FRMD4B: variants seen among roughly 807,000 people sequenced by gnomAD.
FRMD4B encodes FERM domain-containing protein 4B.
Under a neutral mutation model 141.5 loss-of-function variants are expected in FRMD4B, and 74 were observed. The observed-to-expected ratio is 0.52, with a 90% CI of 0.43 to 0.63. The LOEUF (loss-of-function observed/expected upper bound fraction) is 0.63, where lower values mean the gene tolerates loss of function less well. Ranked by LOEUF, FRMD4B falls within the 30% of genes least tolerant of loss-of-function variation. The probability of loss-of-function intolerance (pLI) is 0.00; values close to 1 mark genes in which losing one functional copy is unlikely to be tolerated. For synonymous variants in FRMD4B, 506 were observed against 467.9 expected (o/e 1.08, Z -1.05); for missense variants, 1,366 against 1,253.4 (o/e 1.09, Z -1.36).
chr3:69,422,277 C>T (rs1704993974), intron 2 of FRMD4B, among the ~76,000 whole-genome samples: 1 of 151,886 alleles, frequency 6.6e-6, no homozygotes, highest in Non-Finnish European at 1.5e-5. Flanking sequence ...CCTGTAGTCC[C>T]AGCTACTCGG....
chr3:69,196,495 T>C, intron 13 of FRMD4B, 99 bp from the exon 14 acceptor site: 1 of 948,784 alleles, frequency 1.1e-6, no homozygotes. Flanking sequence ...ACACAGAGGA[T>C]AATTTAGAAT....
chr3:69,465,904 C>T (rs986379796), intron 1 of FRMD4B, among the ~76,000 whole-genome samples: 1 of 152,178 alleles, frequency 6.6e-6, no homozygotes, highest in African/African-American at 2.4e-5. Context: ...TGGGTATACA[C>T]CCCGTAATGG....
intron 1 of FRMD4B, among the ~76,000 whole-genome samples, chr3:69,498,739 G>A (rs866608674): frequency 6.6e-6 from 1 of 152,126 alleles, no homozygotes; most frequent in Admixed American, 6.6e-5. Context: ...GGAGAAAACT[G>A]AGGCTTACAA....
At chr3:69,467,428 G>A (rs150000032) in intron 1 of FRMD4B, among the ~76,000 whole-genome samples, 45 of 152,174 alleles carry the variant, frequency 3.0e-4, no homozygotes, top group African/African-American at 1.1e-3. Flanking sequence ...TTGTGAATTG[G>A]CTATGGAGAT....
chr3:69,225,579 C>A (rs2093244986), intron 7 of FRMD4B, among the ~76,000 whole-genome samples: 1 of 146,406 alleles, frequency 6.8e-6, no homozygotes. Flanking sequence ...CCTATAGTCC[C>A]AGCTACTTGG....
chr3:69,410,439 C>T (rs773353984), intron 2 of FRMD4B, among the ~76,000 whole-genome samples: 4 of 151,718 alleles, frequency 2.6e-5, no homozygotes, highest in African/African-American at 4.8e-5. Flanking sequence ...TGTGCATGAG[C>T]GAGTGTGAAT....
chr3:69,314,452 T>G (rs1701737440), intron 1 of FRMD4B, among the ~76,000 whole-genome samples: 1 of 151,074 alleles, frequency 6.6e-6, no homozygotes, highest in African/African-American at 2.4e-5. Flanking sequence ...TGCTTGAACC[T>G]GGGCAGTGGT....
In FRMD4B at chr3:69,527,072, T is replaced by G. The variant is rs944804620; in HGVS notation, c.-129+15134A>C. ...ACATTCTGGTGCCATTCACACCCTTTGCTATTTGTGTCCTCCGTCCTGGGG... is the reference window on the plus strand; with the variant it reads ...ACATTCTGGTGCCATTCACACCCTTGGCTATTTGTGTCCTCCGTCCTGGGG... On this transcript the variant is annotated intron_variant, in intron 1 of 5. Coordinates refer to the FRMD4B transcript ENST00000459638. 2.6e-5 allele frequency among the ~76,000 whole-genome samples: 4 copies of G among 152,192 alleles called. 1 individual carries two copies. The highest frequency in any genetic ancestry group is 2.6e-4 in the Admixed American group (4 of 15,280).
At chr3:69,351,053 C>T (rs1447755220) in intron 1 of FRMD4B, among the ~76,000 whole-genome samples, 1 of 151,940 alleles carries the variant, frequency 6.6e-6, no homozygotes, top group African/African-American at 2.4e-5. Flanking sequence ...ACCTTTACAG[C>T]CTGATCTACA....
chr3:69,187,179 C>T (rs2092776927), intron 19 of FRMD4B, among the ~76,000 whole-genome samples: 1 of 151,952 alleles, frequency 6.6e-6, no homozygotes. Flanking sequence ...TAATTAATGT[C>T]CCTATAAGTT....
intron 1 of FRMD4B, among the ~76,000 whole-genome samples, chr3:69,350,884 G>T (rs966420248): frequency 6.6e-6 from 1 of 151,748 alleles, no homozygotes; most frequent in Non-Finnish European, 1.5e-5. Context: ...TAATGTAAAT[G>T]ATGAGTTAAT....
chr3:69,330,681 G>C (rs1250954345), intron 1 of FRMD4B, among the ~76,000 whole-genome samples: 2 of 150,470 alleles, frequency 1.3e-5, no homozygotes, highest in African/African-American at 4.9e-5. Context: ...TTTTATAATA[G>C]AGACAGGGTC....
intron 1 of FRMD4B, among the ~76,000 whole-genome samples, chr3:69,356,474 G>C (rs1163162326): frequency 6.6e-6 from 1 of 151,908 alleles, no homozygotes; most frequent in Non-Finnish European, 1.5e-5. Context: ...CTTCAGTTTG[G>C]GGACTCGGAC....
At chr3:69,330,789 G>A (rs961251049) in intron 1 of FRMD4B, among the ~76,000 whole-genome samples, 4 of 152,112 alleles carry the variant, frequency 2.6e-5, no homozygotes, top group African/African-American at 7.2e-5. Flanking sequence ...GTGCCACCAC[G>A]CCCGGCCTCT....
chr3:69,302,395 C>G lies in FRMD4B; in HGVS notation c.364G>C (p.Asp122His). 6.2e-7 allele frequency: 1 copy of G among 1,609,216 alleles called. No homozygotes were observed. The highest frequency in any genetic ancestry group is 1.1e-5 in the South Asian group (1 of 89,812). ...NWLQLDHRVL[D>H]HDLPKKPGPT... is the part of the protein sequence containing the mutation. ...CCTGGTTTCTTGGGCAAATCGTGGT[C>G]AAGAACTCGGTGATCTAACTGCAGC... Residue 122 changes from aspartate (D) to histidine (H), a missense_variant, in exon 4 of 23, where the codon GAC becomes CAC. By Grantham distance (81) the Asp-to-His change is moderately conservative (BLOSUM62 -1). Transcript: ENST00000398540.
At chr3:69,476,317 T>G (rs1705996488) in intron 1 of FRMD4B, among the ~76,000 whole-genome samples, 1 of 152,186 alleles carries the variant, frequency 6.6e-6, no homozygotes, top group Admixed American at 6.5e-5. Context: ...GGTTTTCTTC[T>G]AGGGTTTTTA....
chr3:69,227,071 T>C (rs1364603707), intron 7 of FRMD4B, among the ~76,000 whole-genome samples: 1 of 152,238 alleles, frequency 6.6e-6, no homozygotes, highest in Non-Finnish European at 1.5e-5. Context: ...GTTGGATTTA[T>C]TGAAAGATGA....
intron 20 of FRMD4B, among the ~76,000 whole-genome samples, chr3:69,182,055 G>A (rs977457605): frequency 2.6e-5 from 4 of 152,172 alleles, no homozygotes; most frequent in Admixed American, 6.5e-5. Flanking sequence ...CGTGTCTTTG[G>A]AGGGTCCTGT....
chr3:69,452,366 G>A lies in FRMD4B; in HGVS notation c.-128-19605C>T, dbSNP rs371920093. On this transcript the variant is annotated intron_variant, in intron 1 of 5. Transcript: ENST00000459638. The stretch of plus-strand genomic sequence containing the variant: ...TTAAGTAGAAAGGGCATGTGATTTG[G>A]AGCTGGTCAAAAGCGAAATCTTTTC... Among the ~76,000 whole-genome samples the A allele has an allele frequency of 7.9e-5, 12 of 152,344 alleles. No homozygotes were observed. The South Asian group carries it at 2.1e-3, about 26-fold the overall frequency.
Sources: gnomAD v4.1 joint callset for allele counts (sites outside exome capture counted in the v4.1 genomes callset) on GRCh38, gnomAD v4.1.1 for gene constraint, MANE v1.5 for transcripts, NCBI Gene and HGNC (gene_info 2026-07-23, HGNC 2026-07-21) for gene names.